The following ANKRD11 variants were observed in gnomAD, a reference collection of about 807,000 sequenced individuals.
The protein encoded by ANKRD11 is ankyrin repeat domain 11, also known as ankyrin repeat domain-containing protein 11.
A neutral mutation model predicts 195.7 loss-of-function variants in ANKRD11; 17 were observed. The observed-to-expected ratio is 0.09, with a 90% CI of 0.06 to 0.13. ANKRD11 has a LOEUF of 0.13. Ranked by LOEUF, ANKRD11 falls within the 10% of genes least tolerant of loss-of-function variation. The pLI, the probability that ANKRD11 is intolerant of heterozygous loss-of-function variation, is 1.00. For missense variants in ANKRD11, 3,735 were observed against 3,566.1 expected (o/e 1.05, Z -1.21); for synonymous variants, 1,953 against 1,528.1 (o/e 1.28, Z -6.49).
chr16:89,384,879 CTTTTTTTTTTTTTTTT>C (rs869271846), intron 2 of ANKRD11, among the ~76,000 whole-genome samples: 3 of 49,910 alleles, frequency 6.0e-5, no homozygotes, highest in African/African-American at 1.6e-4. Flanking sequence ...AAATAGTTTT[CTTTTTTTTTTTTTTTT>C]TTTTTTTTTT....
At chr16:89,433,548 G>C (rs79441551) in intron 1 of ANKRD11, among the ~76,000 whole-genome samples, 2 of 152,362 alleles carry the variant, frequency 1.3e-5, no homozygotes, top group South Asian at 4.1e-4. Context: ...CAGCAGGAGC[G>C]CAACAGAGAA....
At position 89,341,837 on chromosome 16, in the gene ANKRD11, CGGCGGGAG is replaced by C. The variant is rs1567673390; in HGVS notation, c.-59-24767_-59-24760del. On this transcript the variant is annotated intron_variant, in intron 2 of 12. Coordinates refer to ENST00000301030, the MANE Select transcript of ANKRD11 (RefSeq NM_013275.6). ...ACCAGCCCACAGCAGCCACGGCCCA[CGGCGGGAG>C]TGCTGCACCTCCACCCACAGCGGCC... is the stretch of plus-strand genomic sequence containing the variant. Among the ~76,000 whole-genome samples the C allele has an allele frequency of 2.7e-5, 4 of 149,742 alleles. 1 individual carries two copies. The highest frequency in any genetic ancestry group is 1.0e-4 in the African/African-American group (4 of 39,334).
chr16:89,372,988 G>A (rs2040260110), intron 2 of ANKRD11: 1 of 152,230 alleles, frequency 6.6e-6, no homozygotes, highest in East Asian at 1.9e-4. Context: ...ACACCCCGAG[G>A]AAGGCACAGC....
At chr16:89,306,955 C>T (rs868317428) in intron 3 of ANKRD11, among the ~76,000 whole-genome samples, 2 of 152,288 alleles carry the variant, frequency 1.3e-5, no homozygotes, top group African/African-American at 4.8e-5. Context: ...GCGACACACA[C>T]AGCGCTTGGG....
chr16:89,317,068 T>C lies in ANKRD11; in HGVS notation c.-49A>G. On this transcript the variant is annotated 5_prime_UTR_variant, in exon 3 of 13. The change abolishes an upstream ATG in the 5' untranslated region. Transcript: ENST00000301030. ...CATTTACACGGCCGGCGCTTCATCA[T>C]CAACCGTCTGCTTCAAAAGAGAAGA... The C allele has an allele frequency of 6.4e-7, 1 of 1,573,070 alleles. No homozygotes were observed. Among genetic ancestry groups the C allele is most frequent in the Non-Finnish European group, 8.7e-7 (1 of 1,154,782 alleles).
chr16:89,274,651 A>T, intron 11 of ANKRD11, 163 bp downstream of exon 11: 1 of 1,080,020 alleles, frequency 9.3e-7, no homozygotes, highest in Non-Finnish European at 1.4e-6. Context: ...CTCCTTTCTG[A>T]GGCTCGCCCA....
At chr16:89,302,016 C>G (rs2035885400) in intron 4 of ANKRD11, among the ~76,000 whole-genome samples, 1 of 152,196 alleles carries the variant, frequency 6.6e-6, no homozygotes, top group Admixed American at 6.5e-5. Context: ...CACACCCCTC[C>G]AGAGAGGCCT....
chr16:89,282,607 C>T lies in ANKRD11; in HGVS notation c.3935G>A (p.Gly1312Glu), dbSNP rs1177362535. 1.2e-6 allele frequency: 2 copies of T among 1,614,072 alleles called. No homozygotes were observed. Among genetic ancestry groups the T allele is most frequent in the African/African-American group, 1.3e-5 (1 of 74,932 alleles). ...EVSSDSFTDR[G>E]QEPGLTAFLE... ...GAAGGCAGTCAGCCCCGGCTCCTGC[C>T]CTCGGTCCGTGAAGCTGTCAGAGGA... Residue 1312 changes from glycine (G) to glutamate (E), a missense_variant, in exon 9 of 13, where the codon GGG becomes GAG. Gly to Glu is a moderately conservative substitution (Grantham distance 98). Transcript: ENST00000301030.
intron 2 of ANKRD11, among the ~76,000 whole-genome samples, chr16:89,402,808 G>T (rs1480464915): frequency 3.5e-5 from 5 of 141,012 alleles, no homozygotes; most frequent in Non-Finnish European, 7.7e-5. Context: ...GGGGTTCTGC[G>T]GAATGAGGTT....
chr16:89,402,511 C>T (rs1282182271), intron 2 of ANKRD11, among the ~76,000 whole-genome samples: 2 of 151,906 alleles, frequency 1.3e-5, no homozygotes, highest in Non-Finnish European at 2.9e-5. Flanking sequence ...GAGACCCCGC[C>T]TCTAGAAAAA....
chr16:89,415,748 A>C (rs1015123333), intron 2 of ANKRD11, among the ~76,000 whole-genome samples: 5 of 146,478 alleles, frequency 3.4e-5, no homozygotes, highest in Non-Finnish European at 6.0e-5. Flanking sequence ...GAAACTCTTG[A>C]ATCTGGGAGG....
rs1176951081 is a variant in ANKRD11 at position 89,288,563 on chromosome 16, G to C, written c.709C>G (p.Pro237Ala). The change falls in exon 7 of 13, where the codon CCT becomes GCT. Residue 237 changes from proline (P) to alanine (A), a missense_variant. Pro to Ala is a conservative substitution (Grantham distance 27, BLOSUM62 -1). Transcript: ENST00000301030. ...VNTKGLDDDT[P>A]LHDAANNGHY... is the part of the protein sequence containing the mutation. ...CCGTTGTTGGCAGCGTCGTGCAAAG[G>C]CGTGTCGTCATCTAGGCCCTTGGTG... The C allele has an allele frequency of 1.9e-6, 3 of 1,614,046 alleles. No individual in the cohort carries two copies. Among genetic ancestry groups the C allele is most frequent in the Non-Finnish European group, 2.5e-6 (3 of 1,180,036 alleles).
At chr16:89,278,657 C>T (rs1397645331) in intron 9 of ANKRD11, 1 of 465,662 alleles carries the variant, frequency 2.1e-6, no homozygotes, top group Admixed American at 2.3e-5. Flanking sequence ...TATGGAGGCT[C>T]AGGGAACCCA....
chr16:89,351,887 G>A (rs1052087962), intron 2 of ANKRD11, among the ~76,000 whole-genome samples: 14 of 152,168 alleles, frequency 9.2e-5, no homozygotes, highest in Admixed American at 9.2e-4. Context: ...GTAAGCCTAC[G>A]GTCTGTCAAT....
intron 2 of ANKRD11, chr16:89,323,962 C>G (rs1337714651): frequency 4.5e-6 from 1 of 221,874 alleles, no homozygotes; most frequent in Non-Finnish European, 9.1e-6. Context: ...GTGTCGGCCC[C>G]TCCCCTGCAC....
chr16:89,470,607 A>G (rs1435163020), intron 1 of ANKRD11, among the ~76,000 whole-genome samples: 1 of 152,194 alleles, frequency 6.6e-6, no homozygotes, highest in Non-Finnish European at 1.5e-5. Flanking sequence ...GCACTTTGGG[A>G]GGCAAAGGCA....
intron 2 of ANKRD11, chr16:89,325,205 C>G (rs2037632591): frequency 1.3e-5 from 2 of 152,454 alleles, no homozygotes; most frequent in Non-Finnish European, 2.9e-5. Flanking sequence ...GAACACTACA[C>G]AGCAGAGGAG....
chr16:89,375,117 T>C (rs2040362729), intron 2 of ANKRD11, among the ~76,000 whole-genome samples: 1 of 151,964 alleles, frequency 6.6e-6, no homozygotes, highest in African/African-American at 2.4e-5. Flanking sequence ...AGCAGAAGTG[T>C]ATACAACTCA....
chr16:89,477,783 C>A (rs1191710098), intron 1 of ANKRD11, among the ~76,000 whole-genome samples: 1 of 151,828 alleles, frequency 6.6e-6, no homozygotes, highest in Non-Finnish European at 1.5e-5. Context: ...ACCAGCCTGG[C>A]CAACATGGTG....
Sources: gnomAD v4.1 joint callset for allele counts (sites outside exome capture counted in the v4.1 genomes callset) on GRCh38, gnomAD v4.1.1 for gene constraint, MANE v1.5 for transcripts, NCBI Gene and HGNC (gene_info 2026-07-23, HGNC 2026-07-21) for gene names.